AP1G1: variants seen among roughly 807,000 people sequenced by gnomAD.
The protein encoded by AP1G1 is AP-1 complex subunit gamma-1.
Under a neutral mutation model 108.3 loss-of-function variants are expected in AP1G1, and 7 were observed. The ratio of observed to expected loss-of-function variants is 0.06; its 90% CI spans 0.04 to 0.12. AP1G1 has a LOEUF of 0.12. AP1G1 is among the 10% of genes least tolerant of loss of function. The pLI, the probability that AP1G1 is intolerant of heterozygous loss-of-function variation, is 1.00. For missense variants in AP1G1, 756 were observed against 1,010.7 expected, an observed-to-expected ratio of 0.75 and a Z score of 3.42; for synonymous variants, 379 against 353.5, an observed-to-expected ratio of 1.07 and a Z score of -0.81.
intron 21 of AP1G1, among the ~76,000 whole-genome samples, chr16:71,736,117 A>AAAAAAATAT (rs1555550846): frequency 1.4e-5 from 1 of 71,630 alleles, no homozygotes; most frequent in African/African-American, 6.2e-5. Context: ...AAAAAAAAAA[A>AAAAAAATAT]ATATATATAT....
intron 1 of AP1G1, chr16:71,807,883 G>A (rs2033049356): frequency 7.8e-7 from 1 of 1,284,292 alleles, no homozygotes; most frequent in Admixed American, 2.3e-5. Flanking sequence ...CCACACAAGT[G>A]TCAGTAAGCA....
chr16:71,808,051 T>C (rs1400322279), intron 1 of AP1G1: 12 of 1,180,004 alleles, frequency 1.0e-5, no homozygotes, highest in Non-Finnish European at 1.3e-5. Context: ...CTACACCGAG[T>C]CCTAACCGGG....
Position 71,734,571 on chromosome 16 carries a change from A to C in AP1G1, c.2367+38T>G, listed in dbSNP as rs144865451. 259 of 1,482,876 alleles carry C rather than the reference A, an allele frequency of 1.7e-4. 1 individual carries two copies. In the East Asian group the frequency reaches 5.7e-3, roughly 32 times the overall value. 91.9% of individuals were successfully genotyped at this position (1,482,876 alleles called of 1,614,324 possible). A position where few individuals can be genotyped will look rare whatever the true frequency, so the allele number is the denominator to read the frequency against. On this transcript the variant is annotated intron_variant, in intron 22 of 22. Coordinates refer to ENST00000299980, the MANE Select transcript of AP1G1 (RefSeq NM_001128.6). ...ATTTTATTTCGGGAAATATGCTTAC[A>C]CTTCGGCTCAGATATTGGCTACAAA... is the stretch of plus-strand genomic sequence containing the variant.
intron 2 of AP1G1, among the ~76,000 whole-genome samples, chr16:71,776,031 C>G (rs2031769684): frequency 6.6e-6 from 1 of 152,190 alleles, no homozygotes; most frequent in South Asian, 2.1e-4. Flanking sequence ...GTACACAAGA[C>G]AGACTAACCA....
At chr16:71,736,554 AT>A (rs2045546446) in intron 21 of AP1G1, among the ~76,000 whole-genome samples, 1 of 25,260 alleles carries the variant, frequency 4.0e-5, no homozygotes, top group African/African-American at 1.9e-4. Context: ...CTAATTTATT[AT>A]TTATTTATTT....
chr16:71,801,530 G>T (rs1459448408), intron 1 of AP1G1, among the ~76,000 whole-genome samples: 1 of 152,182 alleles, frequency 6.6e-6, no homozygotes, highest in Non-Finnish European at 1.5e-5. Flanking sequence ...AACAGATGAT[G>T]TAACACTACA....
intron 4 of AP1G1, among the ~76,000 whole-genome samples, chr16:71,772,138 CT>C (rs11453410): frequency 2.0e-5 from 3 of 148,976 alleles, no homozygotes; most frequent in Admixed American, 1.3e-4. Context: ...CTTTTCTTTT[CT>C]TTTTTTTTTG....
At chr16:71,773,151 T>C (rs2031641874) in intron 4 of AP1G1, 70 bp downstream of exon 4, 1 of 1,539,864 alleles carries the variant, frequency 6.5e-7, no homozygotes, top group African/African-American at 1.4e-5. Context: ...CTTTCAAAAA[T>C]GAGTAATCTG....
chr16:71,785,453 G>A (rs1279371677), intron 2 of AP1G1, among the ~76,000 whole-genome samples: 1 of 151,768 alleles, frequency 6.6e-6, no homozygotes, highest in Admixed American at 6.6e-5. Context: ...GCAGGTGCCT[G>A]TAGCCCAGCT....
chr16:71,750,427 T>C (rs1437647812), intron 13 of AP1G1, 95 bp from the exon 14 acceptor site: 14 of 1,490,666 alleles, frequency 9.4e-6, no homozygotes, highest in Non-Finnish European at 1.1e-5. Context: ...TTTCCTTTCT[T>C]TTTTTGAGAC....
intron 6 of AP1G1, among the ~76,000 whole-genome samples, chr16:71,766,679 A>C (rs2145475116): frequency 6.6e-6 from 1 of 152,082 alleles, no homozygotes; most frequent in South Asian, 2.1e-4. Flanking sequence ...TCCCTTCCCT[A>C]CTCCCCAAGC....
chr16:71,748,971 A>G (rs957996389), intron 15 of AP1G1, among the ~76,000 whole-genome samples: 11 of 151,982 alleles, frequency 7.2e-5, no homozygotes, highest in Admixed American at 5.9e-4. Flanking sequence ...CAGTGGCGCA[A>G]TCTTGGCTCA....
chr16:71,732,999 C>A lies in AP1G1; in HGVS notation c.*59G>T. The A allele has an allele frequency of 2.1e-6, 3 of 1,421,440 alleles. No homozygotes were observed. Among genetic ancestry groups the A allele is most frequent in the African/African-American group, 1.4e-5 (1 of 70,864 alleles). The allele number at this position is 1,421,440 out of a possible 1,614,324, so 88.1% of individuals were successfully genotyped here. On this transcript the variant is annotated 3_prime_UTR_variant, in exon 23 of 23. Coordinates refer to ENST00000299980, the MANE Select transcript of AP1G1 (RefSeq NM_001128.6). ...GGGGGGGACTTGCCAGCAATCACAACCTCCTTCCCAGAGTTCCTTTGATTG... is the reference window on the plus strand; with the variant it reads ...GGGGGGGACTTGCCAGCAATCACAAACTCCTTCCCAGAGTTCCTTTGATTG...
chr16:71,767,811 C>T (rs2031375782), intron 6 of AP1G1: 7 of 1,477,100 alleles, frequency 4.7e-6, no homozygotes, highest in African/African-American at 1.4e-5. Flanking sequence ...ATTTGTGGAT[C>T]GATACACAAA....
chr16:71,761,787 A>G lies in AP1G1; in HGVS notation c.919-220T>C, dbSNP rs1407538679. ...AGTCAAGATCATACCACTGTATTCC[A>G]GTCGGAGCAACAGAGCAAGACTCCA... On this transcript the variant is annotated intron_variant, in intron 9 of 22. Transcript: ENST00000299980. Among the ~76,000 whole-genome samples, 4 of 143,702 alleles carry G rather than the reference A, an allele frequency of 2.8e-5. No homozygotes were observed. The Admixed American group carries it at 2.9e-4, about 11-fold the overall frequency. The allele number at this position is 143,702 out of a possible 152,430, so 94.3% of individuals were successfully genotyped here. A position where few individuals can be genotyped will look rare whatever the true frequency, so the allele number is the denominator to read the frequency against.
At chr16:71,803,388 T>C (rs1423321136) in intron 1 of AP1G1, among the ~76,000 whole-genome samples, 1 of 152,180 alleles carries the variant, frequency 6.6e-6, no homozygotes, top group Non-Finnish European at 1.5e-5. Context: ...TAGGCTTTTT[T>C]TTAAAGTAAA....
intron 22 of AP1G1, among the ~76,000 whole-genome samples, chr16:71,733,944 T>C (rs1451859778): frequency 1.3e-5 from 2 of 152,190 alleles, no homozygotes. Context: ...CACTAAGACA[T>C]TTTTTACTCT....
chr16:71,806,946 G>A (rs913202861), intron 1 of AP1G1, among the ~76,000 whole-genome samples: 1 of 152,102 alleles, frequency 6.6e-6, no homozygotes, highest in Non-Finnish European at 1.5e-5. Context: ...ATCTATAAGT[G>A]GCTTAGCAAT....
chr16:71,781,822 G>A (rs928098474), intron 2 of AP1G1, among the ~76,000 whole-genome samples: 2 of 152,160 alleles, frequency 1.3e-5, no homozygotes, highest in Non-Finnish European at 2.9e-5. Flanking sequence ...TTGTATACTG[G>A]AAAATTTATC....
Sources: gnomAD v4.1 joint callset for allele counts (sites outside exome capture counted in the v4.1 genomes callset) on GRCh38, gnomAD v4.1.1 for gene constraint, MANE v1.5 for transcripts, NCBI Gene and HGNC (gene_info 2026-07-23, HGNC 2026-07-21) for gene names.